Variants in TERB1 observed in about 807,000 individuals in gnomAD.
TERB1 encodes the protein telomere repeats-binding bouquet formation protein 1.
A neutral mutation model predicts 92.3 loss-of-function variants in TERB1; 63 were observed. The observed-to-expected ratio is 0.68, with a 90% confidence interval of 0.56 to 0.84. The LOEUF is 0.84. Among genes scored for constraint, TERB1 ranks in the 40% least tolerant of loss-of-function variants. The pLI is 0.00. For synonymous variants in TERB1, 252 were observed against 283.9 expected, an observed-to-expected ratio of 0.89 and a Z score of 1.13; for missense variants, 709 against 843.7, an observed-to-expected ratio of 0.84 and a Z score of 1.98.
chr16:66,791,066 TAAAC>T lies in TERB1; in HGVS notation c.32-51_32-48del. 3 of 1,059,670 alleles carry T rather than the reference TAAAC, an allele frequency of 2.8e-6. No homozygotes were observed. In the South Asian group the frequency reaches 4.8e-5, roughly 17 times the overall value. The allele number at this position is 1,059,670 out of a possible 1,614,324, so 65.6% of individuals were successfully genotyped here. ...ATTTTAAACCAAAAGGTTTATTTCA[TAAAC>T]TAACCATTCAAATTTCACTTACTAA... On this transcript the variant is annotated intron_variant, in intron 3 of 18. Transcript: ENST00000433154.
At chr16:66,794,922 AACACAC>A (rs57731987) in intron 3 of TERB1, among the ~76,000 whole-genome samples, 6 of 146,144 alleles carry the variant, frequency 4.1e-5, no homozygotes, top group East Asian at 2.0e-4. Flanking sequence ...AAAAAAAAAA[AACACAC>A]ACACACACAC....
intron 17 of TERB1, 109 bp from the exon 18 acceptor site, chr16:66,758,947 G>A (rs144990180): frequency 1.1e-6 from 1 of 946,564 alleles, no homozygotes; most frequent in Non-Finnish European, 1.6e-6. Flanking sequence ...GGAATACTTA[G>A]ATAGATTAGG....
rs528304508 is a variant in TERB1 at position 66,765,583 on chromosome 16, G to A, written c.1780+1832C>T. Among the ~76,000 whole-genome samples the A allele has an allele frequency of 5.0e-3, 755 of 151,530 alleles. 10 individuals are homozygous for A. The highest frequency in any genetic ancestry group is 0.018 in the African/African-American group (724 of 41,318). ...AGCAATTCTCCTGTCTCAGCCTCCC[G>A]AGTAGCTGGGATTACTGGCTCATGC... On this transcript the variant is annotated intron_variant, in intron 16 of 18. Coordinates refer to ENST00000433154, the MANE Select transcript of TERB1 (RefSeq NM_001136505.2).
chr16:66,796,511 C>A, intron 3 of TERB1, among the ~76,000 whole-genome samples: 1 of 152,214 alleles, frequency 6.6e-6, no homozygotes, highest in East Asian at 1.9e-4. Context: ...TGATGGTAGT[C>A]CTCTCAGGTT....
chr16:66,769,830 C>T (rs1395357085), intron 14 of TERB1, 133 bp downstream of exon 14: 1 of 697,876 alleles, frequency 1.4e-6, no homozygotes, highest in African/African-American at 1.8e-5. Context: ...ACACTTCCTA[C>T]TTTAGGCTCT....
In TERB1 at chr16:66,796,768, C is replaced by T. The variant is rs1959197935; in HGVS notation, c.31G>A (p.Glu11Lys). 6.5e-7 allele frequency: 1 copy of T among 1,537,212 alleles called. No homozygotes were observed. The highest frequency in any genetic ancestry group is 8.8e-7 in the Non-Finnish European group (1 of 1,134,310). ...GATATATGATCCATCAATTTCTCAC[C>T]TTGTGTTTTCTTTGTGTCTTCACTT... Reference protein sequence around the residue: MESEDTKKTQEMKTDLNLLLE... With the variant: MESEDTKKTQKMKTDLNLLLE... The change falls in exon 3 of 19, where the codon GAA becomes AAA. Residue 11 changes from glutamate (E) to lysine (K), a missense_variant and splice_region_variant. Coordinates refer to ENST00000433154, the MANE Select transcript of TERB1 (RefSeq NM_001136505.2).
At chr16:66,792,933 G>A (rs1361493123) in intron 3 of TERB1, among the ~76,000 whole-genome samples, 10 of 151,754 alleles carry the variant, frequency 6.6e-5, no homozygotes, top group Non-Finnish European at 1.5e-5. Flanking sequence ...TGAATGTGAA[G>A]GCCTAAGACA....
intron 9 of TERB1, among the ~76,000 whole-genome samples, chr16:66,782,879 G>C (rs2018660563): frequency 6.6e-6 from 1 of 152,030 alleles, no homozygotes; most frequent in Non-Finnish European, 1.5e-5. Flanking sequence ...TGTGTGGCTG[G>C]GGCGGTGTTA....
chr16:66,773,003 C>A (rs2018479400), intron 12 of TERB1, among the ~76,000 whole-genome samples: 1 of 152,064 alleles, frequency 6.6e-6, no homozygotes, highest in African/African-American at 2.4e-5. Flanking sequence ...CACATAAACA[C>A]CCTCAGGTAC....
chr16:66,800,190 C>T (rs554858017), intron 2 of TERB1: 28 of 151,878 alleles, frequency 1.8e-4, no homozygotes, highest in African/African-American at 6.0e-4. Context: ...ATGGTGAAAC[C>T]CCGTCTCTAC....
chr16:66,788,075 AAC>A, intron 6 of TERB1, 92 bp downstream of exon 6: 1 of 1,072,708 alleles, frequency 9.3e-7, no homozygotes, highest in Non-Finnish European at 1.3e-6. Flanking sequence ...AACACAAAAA[AAC>A]AAAACTGATA....
At chr16:66,756,680 G>C (rs2018144017) in intron 18 of TERB1, among the ~76,000 whole-genome samples, 1 of 152,088 alleles carries the variant, frequency 6.6e-6, no homozygotes, top group African/African-American at 2.4e-5. Context: ...TTGAGCCCTG[G>C]AGTTGATCAT....
In TERB1 at chr16:66,775,182, A is replaced by G; in HGVS notation, c.1047T>C (p.Thr349=). The G allele has an allele frequency of 4.5e-6, 7 of 1,551,586 alleles. No individual in the cohort carries two copies. Among genetic ancestry groups the G allele is most frequent in the Non-Finnish European group, 1.7e-6 (2 of 1,146,924 alleles). The part of the protein sequence containing the change: ...NGLPLMIQAL[T]ESQNEELNKA... ...TGTTCAGTTCCTCATTCTGCGATTC[A>G]GTTAAGGCTTGAATCATGAGTGGAA... Residue 349 remains threonine (T), a synonymous_variant, in exon 12 of 19, where the codon ACT becomes ACC. Transcript: ENST00000433154.
At chr16:66,801,933 C>T (rs894272688), upstream of TERB1, among the ~76,000 whole-genome samples, 2 of 152,204 alleles carry the variant, frequency 1.3e-5, no homozygotes, top group Non-Finnish European at 2.9e-5. Context: ...GTGTGTTCTC[C>T]CTTTTGTTGG....
At chr16:66,761,241 C>T (rs1446417475) in intron 16 of TERB1, among the ~76,000 whole-genome samples, 40 of 150,590 alleles carry the variant, frequency 2.7e-4, no homozygotes, top group Admixed American at 2.0e-3. Context: ...CACTTGAGGT[C>T]AGGAGTTCAA....
chr16:66,758,576 A>G, intron 18 of TERB1, 197 bp downstream of exon 18: 1 of 451,564 alleles, frequency 2.2e-6, no homozygotes. Flanking sequence ...CCCCATCTCT[A>G]CTAAAAATAC....
intron 11 of TERB1, among the ~76,000 whole-genome samples, chr16:66,776,993 G>A (rs1297557416): frequency 6.6e-6 from 1 of 152,080 alleles, no homozygotes; most frequent in Non-Finnish European, 1.5e-5. Context: ...ATCAAGAGGG[G>A]TAAACAGAAG....
chr16:66,774,000 C>T (rs1420245543), intron 12 of TERB1, among the ~76,000 whole-genome samples: 1 of 151,982 alleles, frequency 6.6e-6, no homozygotes, highest in Non-Finnish European at 1.5e-5. Context: ...CTGCCTCAGC[C>T]TCCCGAGTAG....
Position 66,770,103 on chromosome 16 carries a change from T to C in TERB1, c.1479A>G (p.Thr493=). 1.3e-6 allele frequency: 2 copies of C among 1,552,174 alleles called. No homozygotes were observed. Among genetic ancestry groups the C allele is most frequent in the East Asian group, 2.4e-5 (1 of 40,912 alleles). ...KACTNDDQMK[T]PLKSANPVHA... is the part of the protein sequence containing the mutation. ...GGACTGGATTTGCGCTCTTTAACGGTGTCTTCATTTGGTCATCATTTGTAC... is the reference window on the plus strand; with the variant it reads ...GGACTGGATTTGCGCTCTTTAACGGCGTCTTCATTTGGTCATCATTTGTAC... The change falls in exon 14 of 19, where the codon ACA becomes ACG. Residue 493 remains threonine (T), a synonymous_variant. Transcript: ENST00000433154.
Sources: gnomAD v4.1 joint callset for allele counts (sites outside exome capture counted in the v4.1 genomes callset) on GRCh38, gnomAD v4.1.1 for gene constraint, MANE v1.5 for transcripts, NCBI Gene and HGNC (gene_info 2026-07-23, HGNC 2026-07-21) for gene names.